The following PCDHGB4 variants were observed in gnomAD, a reference collection of about 807,000 sequenced individuals.
PCDHGB4 encodes the protein protocadherin gamma-B4.
A neutral mutation model predicts 60.5 loss-of-function variants in PCDHGB4; 38 were observed. The ratio of observed to expected loss-of-function variants is 0.63; its 90% CI spans 0.48 to 0.82. The LOEUF (loss-of-function observed/expected upper bound fraction) is 0.82. Ranked by LOEUF, PCDHGB4 falls within the 40% of genes least tolerant of loss-of-function variation. PCDHGB4 has a pLI of 0.00. For synonymous variants in PCDHGB4, 456 were observed against 509.7 expected (o/e 0.89, Z 1.42); for missense variants, 1,109 against 1,209.6 (o/e 0.92, Z 1.23).
At chr5:141,436,294 G>A (rs1205368824) in intron 1 of PCDHGB4, among the ~76,000 whole-genome samples, 1 of 152,142 alleles carries the variant, frequency 6.6e-6, no homozygotes, top group Non-Finnish European at 1.5e-5. Context: ...AAATCATTGA[G>A]AGTTAGAGCA....
At chr5:141,419,729 G>A in intron 1 of PCDHGB4, 1 of 1,613,758 alleles carries the variant, frequency 6.2e-7, no homozygotes, top group Non-Finnish European at 8.5e-7. Context: ...GCTGCGAACA[G>A]GCGAGGTGCG....
At chr5:141,498,073 T>C (rs1474889879) in intron 2 of PCDHGB4, among the ~76,000 whole-genome samples, 1 of 152,214 alleles carries the variant, frequency 6.6e-6, no homozygotes, top group Non-Finnish European at 1.5e-5. Context: ...CTGTCATAAG[T>C]GCTAGGTAGA....
At chr5:141,454,557 C>T (rs191373514) in intron 1 of PCDHGB4, among the ~76,000 whole-genome samples, 8 of 152,160 alleles carry the variant, frequency 5.3e-5, no homozygotes, top group Admixed American at 5.2e-4. Flanking sequence ...CAGGCATGTG[C>T]CACCACGCCC....
chr5:141,479,521 T>A (rs4912607), intron 1 of PCDHGB4: 2 of 152,104 alleles, frequency 1.3e-5, no homozygotes, highest in Non-Finnish European at 2.9e-5. Context: ...CTGGCCCAGG[T>A]TGGAAGTGGA....
At chr5:141,441,920 A>G (rs1276085080) in intron 1 of PCDHGB4, 8 of 352,988 alleles carry the variant, frequency 2.3e-5, no homozygotes, top group East Asian at 8.9e-5. Context: ...GTGAGACACA[A>G]TGCGTGGCTG....
chr5:141,387,823 A>G lies in PCDHGB4; in HGVS notation c.-62A>G. The G allele has an allele frequency of 6.3e-7, 1 of 1,581,002 alleles. No individual in the cohort carries two copies. The highest frequency in any genetic ancestry group is 1.2e-5 in the South Asian group (1 of 86,338). ...GTTCGGAGATCCAAAAATCTGCAATACAGAGGTTATTTGTAACCCGGCGTC... is the reference window on the plus strand; with the variant it reads ...GTTCGGAGATCCAAAAATCTGCAATGCAGAGGTTATTTGTAACCCGGCGTC... On this transcript the variant is annotated 5_prime_UTR_variant, in exon 1 of 4. In the 5' UTR this introduces an upstream ATG that the reference lacks. Transcript: ENST00000519479.
chr5:141,441,752 C>T, intron 1 of PCDHGB4: 2 of 378,086 alleles, frequency 5.3e-6, no homozygotes, highest in Non-Finnish European at 1.1e-5. Context: ...TCGGCGTCAA[C>T]GTGAGCCTGC....
chr5:141,485,172 CA>C lies in PCDHGB4; in HGVS notation c.2398-9633del. 6.2e-7 allele frequency: 1 copy of C among 1,610,166 alleles called. No individual in the cohort carries two copies. Among genetic ancestry groups the C allele is most frequent in the Non-Finnish European group, 8.5e-7 (1 of 1,176,940 alleles). On this transcript the variant is annotated intron_variant, in intron 1 of 3. Coordinates refer to ENST00000519479, the MANE Select transcript of PCDHGB4 (RefSeq NM_003736.4). The surrounding 1 kb of genome is among the most constrained non-coding windows in gnomAD (Gnocchi z 5.7). ...CAAGTAGAGAATTAGCGGGCGGCAG[CA>C]ATGCTCCGCAAGGTGAGAAGCTGGA...
intron 1 of PCDHGB4, among the ~76,000 whole-genome samples, chr5:141,450,815 A>ATTATTAT (rs1554136868): frequency 7.9e-6 from 1 of 126,684 alleles, no homozygotes; most frequent in African/African-American, 3.3e-5. Context: ...TATTTATTTA[A>ATTATTAT]TATTATTATT....
chr5:141,498,616 G>T (rs1202866176), intron 2 of PCDHGB4, among the ~76,000 whole-genome samples: 1 of 152,138 alleles, frequency 6.6e-6, no homozygotes, highest in East Asian at 1.9e-4. Flanking sequence ...AGTCAGCACT[G>T]GGTCACACTG....
rs1425448852 is a variant in PCDHGB4, at chr5:141,493,717, C to T, written c.2398-1090C>T. Among the ~76,000 whole-genome samples the T allele has an allele frequency of 1.3e-5, 2 of 152,208 alleles. No individual in the cohort carries two copies. The highest frequency in any genetic ancestry group is 3.8e-4 in the East Asian group (2 of 5,202). On this transcript the variant is annotated intron_variant, in intron 1 of 3. Coordinates refer to ENST00000519479, the MANE Select transcript of PCDHGB4 (RefSeq NM_003736.4). This position sits in a 1 kb window ranked among gnomAD's most constrained non-coding sequence, Gnocchi z 4.3. ...CCGATACACCTGGAATGCTAGGTTT[C>T]TGGGTTCTGCTCATATCACTGCCAC...
intron 1 of PCDHGB4, chr5:141,423,313 G>T (rs1407028245): frequency 1.2e-6 from 2 of 1,614,184 alleles, no homozygotes; most frequent in Non-Finnish European, 1.7e-6. Context: ...GTACTTGGTG[G>T]TGGCGGTGGC....
At chr5:141,450,829 A>ATTAT (rs1554136902) in intron 1 of PCDHGB4, among the ~76,000 whole-genome samples, 14 of 135,142 alleles carry the variant, frequency 1.0e-4, no homozygotes, top group African/African-American at 3.3e-4. Context: ...TATTATTATT[A>ATTAT]TTTTTTTTTT....
At chr5:141,503,620 A>C (rs1475731896) in intron 2 of PCDHGB4, among the ~76,000 whole-genome samples, 1 of 152,026 alleles carries the variant, frequency 6.6e-6, no homozygotes, top group East Asian at 1.9e-4. Flanking sequence ...AAAAAGAAAA[A>C]AGAAAAGAAA....
At chr5:141,492,553 G>A (rs1184580300) in intron 1 of PCDHGB4, among the ~76,000 whole-genome samples, 1 of 152,148 alleles carries the variant, frequency 6.6e-6, no homozygotes, top group Non-Finnish European at 1.5e-5. Flanking sequence ...CGGGTCGCCT[G>A]GGGGGCGGCC....
In PCDHGB4 at chr5:141,493,521, G is replaced by A. The variant is rs967636266; in HGVS notation, c.2398-1286G>A. Among the ~76,000 whole-genome samples the A allele has an allele frequency of 3.9e-5, 6 of 152,242 alleles. No homozygotes were observed. In the East Asian group the frequency reaches 7.7e-4, roughly 20 times the overall value. The stretch of plus-strand genomic sequence containing the variant: ...CTCATTTCTGAGCAGTCCCCGCAGC[G>A]CAAACTTGGCCAGTTATCCTTTTGG... On this transcript the variant is annotated intron_variant, in intron 1 of 3. Coordinates refer to ENST00000519479, the MANE Select transcript of PCDHGB4 (RefSeq NM_003736.4). This position sits in a 1 kb window ranked among gnomAD's most constrained non-coding sequence, Gnocchi z 4.3.
At chr5:141,430,652 A>G in intron 1 of PCDHGB4, 1 of 1,069,464 alleles carries the variant, frequency 9.4e-7, no homozygotes. Context: ...ATGTGGAAAC[A>G]ACGGAGGAGC....
chr5:141,459,311 T>A (rs1298312167), intron 1 of PCDHGB4, among the ~76,000 whole-genome samples: 1 of 152,250 alleles, frequency 6.6e-6, no homozygotes, highest in Non-Finnish European at 1.5e-5. Flanking sequence ...TATACTATTT[T>A]GTATCCATCT....
intron 1 of PCDHGB4, among the ~76,000 whole-genome samples, chr5:141,447,023 GT>G (rs5871773): frequency 0.034 from 5,146 of 151,536 alleles, 101 homozygotes; most frequent in Middle Eastern, 0.088. Flanking sequence ...GTTTTGTTTT[GT>G]TTTTTTTCTG....
Sources: allele counts gnomAD v4.1 joint callset (sites outside exome capture counted in the v4.1 genomes callset), GRCh38; gene constraint gnomAD v4.1.1; non-coding constraint Gnocchi (gnomAD v3.1); transcripts MANE v1.5; gene names NCBI Gene and HGNC (gene_info 2026-07-23, HGNC 2026-07-21).